Variants in DENND2B observed in about 807,000 individuals in gnomAD.
The protein encoded by DENND2B is DENN domain-containing protein 2B.
In DENND2B, 32 loss-of-function variants were observed where a neutral mutation model predicts 116.0. The ratio of observed to expected loss-of-function variants is 0.28; its 90% CI spans 0.21 to 0.37. The LOEUF (loss-of-function observed/expected upper bound fraction) is 0.37. Ranked by LOEUF, DENND2B falls within the 10% of genes least tolerant of loss-of-function variation. The probability of loss-of-function intolerance (pLI) is 1.00; values close to 1 mark genes in which losing one functional copy is unlikely to be tolerated. For synonymous variants in DENND2B, 588 were observed against 583.9 expected (o/e 1.01, Z -0.10); for missense variants, 1,276 against 1,477.7 (o/e 0.86, Z 2.24).
intron 1 of DENND2B, among the ~76,000 whole-genome samples, chr11:8,801,705 C>G (rs11042073): frequency 0.74 from 102,098 of 138,626 alleles, 36,536 homozygotes; most frequent in Admixed American, 0.8. Flanking sequence ...AAGAAAGAAA[C>G]AAACAAACAC....
intron 3 of DENND2B, among the ~76,000 whole-genome samples, chr11:8,856,371 G>A (rs1433912641): frequency 6.6e-6 from 1 of 152,206 alleles, no homozygotes; most frequent in Non-Finnish European, 1.5e-5. Flanking sequence ...TTTTGTTAGA[G>A]ATGGAAAAAG....
intron 1 of DENND2B, among the ~76,000 whole-genome samples, chr11:8,883,404 T>A (rs963549171): frequency 4.6e-5 from 7 of 152,238 alleles, no homozygotes; most frequent in Non-Finnish European, 7.3e-5. Context: ...GAATGAAGAA[T>A]GTTCATTCCT....
At chr11:8,713,402 CAG>C (rs1338847880) in intron 8 of DENND2B, among the ~76,000 whole-genome samples, 2 of 151,938 alleles carry the variant, frequency 1.3e-5, no homozygotes, top group South Asian at 2.1e-4. Context: ...TTTTTTGAGA[CAG>C]AGTCTTGCTC....
intron 1 of DENND2B, among the ~76,000 whole-genome samples, chr11:8,753,144 T>C (rs911781838): frequency 2.0e-5 from 3 of 151,866 alleles, no homozygotes; most frequent in African/African-American, 7.3e-5. Flanking sequence ...GGCTGAGGCA[T>C]GAAAGTAACT....
At chr11:8,714,066 A>G in intron 7 of DENND2B, 24 bp from the exon 8 acceptor site, 1 of 1,612,566 alleles carries the variant, frequency 6.2e-7, no homozygotes, top group Non-Finnish European at 8.5e-7. Context: ...AGCAGAGTAC[A>G]TACTTGCTGG....
chr11:8,823,599 T>C (rs1050036508), intron 4 of DENND2B, among the ~76,000 whole-genome samples: 2 of 152,176 alleles, frequency 1.3e-5, no homozygotes, highest in African/African-American at 4.8e-5. Flanking sequence ...TGAGATCTGA[T>C]AGTTTTATAA....
chr11:8,793,045 A>G (rs1276716612), intron 1 of DENND2B, among the ~76,000 whole-genome samples: 2 of 152,252 alleles, frequency 1.3e-5, no homozygotes, highest in Non-Finnish European at 2.9e-5. Context: ...GTCCGTCAAA[A>G]GGGGCTTGGT....
At chr11:8,708,062 C>T in intron 11 of DENND2B, 1 of 1,489,438 alleles carries the variant, frequency 6.7e-7, no homozygotes, top group Non-Finnish European at 8.9e-7. Flanking sequence ...CAGGGTCTCC[C>T]AGCACCAGGT....
intron 2 of DENND2B, among the ~76,000 whole-genome samples, chr11:8,866,254 C>G (rs1046721915): frequency 2.6e-5 from 4 of 152,208 alleles, no homozygotes; most frequent in Non-Finnish European, 4.4e-5. Context: ...CCACCGCACC[C>G]GACCTGCAGT....
chr11:8,717,629 A>G, intron 5 of DENND2B, 112 bp downstream of exon 5: 2 of 1,315,966 alleles, frequency 1.5e-6, no homozygotes, highest in East Asian at 2.5e-5. Flanking sequence ...CCCTTTATCA[A>G]GTACTAGTGA....
At chr11:8,756,817 G>A (rs1024496708) in intron 1 of DENND2B, among the ~76,000 whole-genome samples, 2 of 152,218 alleles carry the variant, frequency 1.3e-5, no homozygotes, top group Non-Finnish European at 2.9e-5. Flanking sequence ...TCCTAAAGCA[G>A]AGGAAATGCC....
At chr11:8,711,022 T>A in intron 10 of DENND2B, 100 bp downstream of exon 10, 1 of 1,560,128 alleles carries the variant, frequency 6.4e-7, no homozygotes, top group Non-Finnish European at 8.8e-7. Flanking sequence ...CAGGTTGCTG[T>A]AGGAGAGGAT....
chr11:8,905,659 G>C (rs10734638), intron 1 of DENND2B, among the ~76,000 whole-genome samples: 105,451 of 151,916 alleles, frequency 0.69, 37,338 homozygotes, highest in East Asian at 0.96. Context: ...TACATCTGGT[G>C]TGGGTGCGGC....
intron 1 of DENND2B, among the ~76,000 whole-genome samples, chr11:8,783,066 T>TC (rs1555189385): frequency 0.011 from 1,675 of 148,198 alleles, 30 homozygotes; most frequent in African/African-American, 0.041. Context: ...TTTTTTTTTT[T>TC]CCCAAAGAGA....
At chr11:8,853,875 G>T (rs1037673343) in intron 3 of DENND2B, among the ~76,000 whole-genome samples, 1 of 151,788 alleles carries the variant, frequency 6.6e-6, no homozygotes, top group East Asian at 1.9e-4. Flanking sequence ...TAGAGACAAG[G>T]TCTCACTCTG....
chr11:8,844,329 G>A (rs2062728913), intron 3 of DENND2B, among the ~76,000 whole-genome samples: 1 of 152,324 alleles, frequency 6.6e-6, no homozygotes, highest in East Asian at 1.9e-4. Context: ...GAGCCCGGGA[G>A]ATCGAGGCTG....
At chr11:8,854,016 A>ATTAT in intron 3 of DENND2B, among the ~76,000 whole-genome samples, 1 of 62,776 alleles carries the variant, frequency 1.6e-5, no homozygotes, top group South Asian at 7.7e-4. Flanking sequence ...GCCCCAGTTA[A>ATTAT]TTTTTTTTTT....
chr11:8,694,452 A>T (rs1452882080), intron 19 of DENND2B: 1 of 453,040 alleles, frequency 2.2e-6, no homozygotes, highest in African/African-American at 2.0e-5. Flanking sequence ...GGGCACTCGC[A>T]CTGCTGTGTC....
At chr11:8,856,698 C>T (rs755151580) in intron 3 of DENND2B, among the ~76,000 whole-genome samples, 20 of 152,096 alleles carry the variant, frequency 1.3e-4, no homozygotes, top group Non-Finnish European at 2.5e-4. Flanking sequence ...TGGGCAGCTG[C>T]TCCCATTCAT....
Sources: allele counts gnomAD v4.1 joint callset (sites outside exome capture counted in the v4.1 genomes callset), GRCh38; gene constraint gnomAD v4.1.1; transcripts MANE v1.5; gene names NCBI Gene and HGNC (gene_info 2026-07-23, HGNC 2026-07-21).